The following CEBPZOS variants were observed in gnomAD, a reference collection of about 807,000 sequenced individuals.
CEBPZOS encodes CEBPZ opposite strand, also known as protein CEBPZOS.
A neutral mutation model predicts 4.8 loss-of-function variants in CEBPZOS; 10 were observed. The ratio of observed to expected loss-of-function variants is 2.07; its 90% CI spans 1.28 to 3.52. The LOEUF (loss-of-function observed/expected upper bound fraction) is 3.52. CEBPZOS is among the 30% of genes most tolerant of loss of function. The pLI is 0.00. For missense variants in CEBPZOS, 98 were observed against 43.6 expected, an observed-to-expected ratio of 2.25 and a Z score of -3.51; for synonymous variants, 25 against 14.2, an observed-to-expected ratio of 1.77 and a Z score of -1.72.
At chr2:37,196,574 T>G (rs1676949208) in intron 1 of CEBPZOS, 54 bp downstream of exon 1, 1 of 152,462 alleles carries the variant, frequency 6.6e-6, no homozygotes, top group Non-Finnish European at 1.5e-5. Context: ...GGGTCCCTAG[T>G]GCGACGAGAG....
Position 37,199,692 on chromosome 2 carries a change from T to A in CEBPZOS, c.-1-12T>A, listed in dbSNP as rs1677118345. On this transcript the variant is annotated splice_polypyrimidine_tract_variant and intron_variant, in intron 1 of 4. Transcript: ENST00000402297. Reference sequence around the variant, plus strand: ...TTCATTCAGGTTTACACATATCTGTTGTTAAATTTAGGATGGCCCGTACTT... The same window carrying A: ...TTCATTCAGGTTTACACATATCTGTAGTTAAATTTAGGATGGCCCGTACTT... The A allele has an allele frequency of 4.2e-6, 3 of 715,576 alleles. No homozygotes were observed. The highest frequency in any genetic ancestry group is 7.8e-6 in the Non-Finnish European group (3 of 384,226). 44.3% of individuals were successfully genotyped at this position (715,576 alleles called of 1,614,324 possible).
At chr2:37,206,305 A>G (rs2465489), downstream of CEBPZOS, among the ~76,000 whole-genome samples, 129,123 of 152,318 alleles carry the variant, frequency 0.85, 55,321 homozygotes, top group East Asian at 0.99. Flanking sequence ...CTGAGAATTC[A>G]CCACTACCAA....
downstream of CEBPZOS, among the ~76,000 whole-genome samples, chr2:37,207,835 C>T (rs1271149248): frequency 6.6e-6 from 1 of 151,740 alleles, no homozygotes; most frequent in Non-Finnish European, 1.5e-5. Flanking sequence ...GAAGCAAACA[C>T]TACAAAAGAT....
chr2:37,197,641 G>A (rs1460436362), intron 1 of CEBPZOS, among the ~76,000 whole-genome samples: 2 of 152,232 alleles, frequency 1.3e-5, no homozygotes, highest in African/African-American at 4.8e-5. Flanking sequence ...GGAGGCCGAG[G>A]CGGGAGGATC....
chr2:37,197,618 T>TA (rs1380307197), intron 1 of CEBPZOS, among the ~76,000 whole-genome samples: 4 of 152,336 alleles, frequency 2.6e-5, no homozygotes, highest in African/African-American at 9.6e-5. Flanking sequence ...ACGCCTGTAA[T>TA]ACCAGCACTT....
chr2:37,202,774 A>G lies in CEBPZOS; in HGVS notation c.*914A>G. The G allele has an allele frequency of 1.3e-6, 2 of 1,509,628 alleles. No individual in the cohort carries two copies. Among genetic ancestry groups the G allele is most frequent in the Non-Finnish European group, 1.8e-6 (2 of 1,121,868 alleles). 93.5% of individuals were successfully genotyped at this position (1,509,628 alleles called of 1,614,324 possible). A position where few individuals can be genotyped will look rare whatever the true frequency, so the allele number is the denominator to read the frequency against. On this transcript the variant is annotated 3_prime_UTR_variant, in exon 5 of 5. Coordinates refer to ENST00000402297, the MANE Select transcript of CEBPZOS (RefSeq NM_001322374.2). Reference sequence around the variant, plus strand: ...TTTAAAACATCAATAAAAAAATTTAAGTTACTTACTTGCATTATCTTTGTT... The same window carrying G: ...TTTAAAACATCAATAAAAAAATTTAGGTTACTTACTTGCATTATCTTTGTT...
intron 2 of CEBPZOS, 101 bp downstream of exon 2, chr2:37,199,920 T>A (rs926087680): frequency 1.6e-6 from 1 of 638,966 alleles, no homozygotes; most frequent in Non-Finnish European, 2.9e-6. Context: ...AATTGGTTCT[T>A]CAGATTCAAG....
rs1406867246 is a variant in CEBPZOS, at chr2:37,203,619, T to C, written c.*1759T>C. On this transcript the variant is annotated 3_prime_UTR_variant, in exon 5 of 5. Coordinates refer to ENST00000402297, the MANE Select transcript of CEBPZOS (RefSeq NM_001322374.2). The stretch of plus-strand genomic sequence containing the variant: ...GATCATAACATTCAGCTGTTTTAAG[T>C]GTATTAACGCATTTTGGTAAATTTA... 1 of 152,228 alleles carries C rather than the reference T, an allele frequency of 6.6e-6. No homozygotes were observed. Among genetic ancestry groups the C allele is most frequent in the Non-Finnish European group, 1.5e-5 (1 of 68,048 alleles). The allele number at this position is 152,228 out of a possible 1,614,324, so 9.4% of individuals were successfully genotyped here. A position where few individuals can be genotyped will look rare whatever the true frequency, so the allele number is the denominator to read the frequency against.
At chr2:37,214,857 C>A, downstream of CEBPZOS, 3 of 1,433,796 alleles carry the variant, frequency 2.1e-6, no homozygotes, top group Non-Finnish European at 2.9e-6. Flanking sequence ...TAGCAGTTTC[C>A]CCAAATGAAA....
intron 4 of CEBPZOS, chr2:37,211,145 C>A (rs1572497891): frequency 1.9e-6 from 2 of 1,064,524 alleles, no homozygotes; most frequent in South Asian, 1.4e-5. Flanking sequence ...AAATATTACT[C>A]CAAGATATGC....
At chr2:37,206,605 C>T (rs949056192), downstream of CEBPZOS, among the ~76,000 whole-genome samples, 1 of 152,194 alleles carries the variant, frequency 6.6e-6, no homozygotes, top group Non-Finnish European at 1.5e-5. Context: ...TGATGCCCGC[C>T]TGGGCCTCCC....
intron 4 of CEBPZOS, chr2:37,211,916 T>C (rs758525915): frequency 8.7e-6 from 14 of 1,613,542 alleles, no homozygotes; most frequent in Admixed American, 1.7e-5. Flanking sequence ...CAGCAAATTC[T>C]TCATCATCCA....
Position 37,196,508 on chromosome 2 carries a change from GAACGCACCTCAGGTAAGACTCT to G in CEBPZOS, c.-13_-2+10del, listed in dbSNP as rs1305147866. ...CCGTTGCGCATGCGCAGTCCCCCTTGAACGCACCTCAGGTAAGACTCTGGCGAGTGGCTTCCCATGGGCGGTC... is the reference window on the plus strand; with the variant it reads ...CCGTTGCGCATGCGCAGTCCCCCTTGGGCGAGTGGCTTCCCATGGGCGGTC... On this transcript the variant is annotated splice_donor_variant and splice_donor_5th_base_variant and 5_prime_UTR_variant and intron_variant, in exon 1 of 5. Coordinates refer to ENST00000402297, the MANE Select transcript of CEBPZOS (RefSeq NM_001322374.2). LOFTEE classifies it low-confidence loss of function (5UTR_SPLICE). 3 of 152,260 alleles carry G rather than the reference GAACGCACCTCAGGTAAGACTCT, an allele frequency of 2.0e-5. No homozygotes were observed. Among genetic ancestry groups the G allele is most frequent in the Non-Finnish European group, 4.4e-5 (3 of 68,076 alleles). 9.4% of individuals were successfully genotyped at this position (152,260 alleles called of 1,614,324 possible). A position where few individuals can be genotyped will look rare whatever the true frequency, so the allele number is the denominator to read the frequency against.
At chr2:37,215,725 TC>T (rs1481702920), downstream of CEBPZOS, among the ~76,000 whole-genome samples, 1 of 152,104 alleles carries the variant, frequency 6.6e-6, no homozygotes, top group African/African-American at 2.4e-5. Flanking sequence ...AAAATGATGC[TC>T]TGTGACAAAA....
chr2:37,210,115 TAAA>T (rs1241070587), intron 4 of CEBPZOS: 1 of 151,936 alleles, frequency 6.6e-6, no homozygotes, highest in Non-Finnish European at 1.5e-5. Flanking sequence ...AATTTAAAAA[TAAA>T]AAAAATTTCA....
In CEBPZOS at chr2:37,203,817, TCTGA is replaced by T. The variant is rs1677406432; in HGVS notation, c.*1960_*1963del. The T allele has an allele frequency of 6.6e-6, 1 of 152,218 alleles. No homozygotes were observed. The highest frequency in any genetic ancestry group is 1.5e-5 in the Non-Finnish European group (1 of 68,036). 9.4% of individuals were successfully genotyped at this position (152,218 alleles called of 1,614,324 possible). A position where few individuals can be genotyped will look rare whatever the true frequency, so the allele number is the denominator to read the frequency against. The stretch of plus-strand genomic sequence containing the variant: ...ATCATATGACATGTGGTTTCCTATA[TCTGA>T]CTTTTTTCATTTAGCATAACGTTTT... On this transcript the variant is annotated 3_prime_UTR_variant, in exon 5 of 5. Transcript: ENST00000402297.
rs750009698 is a variant in CEBPZOS at position 37,211,907 on chromosome 2, A to G, written c.*3-1530A>G. The G allele has an allele frequency of 1.1e-5, 18 of 1,613,274 alleles. No individual in the cohort carries two copies. The South Asian group carries it at 1.4e-4, about 13-fold the overall frequency. ...ATGTTCCTCCATCTTCATCAACTTCAGCAAATTCTTCATCATCCATACTTC... is the reference window on the plus strand; with the variant it reads ...ATGTTCCTCCATCTTCATCAACTTCGGCAAATTCTTCATCATCCATACTTC... On this transcript the variant is annotated intron_variant, in intron 4 of 4. Coordinates refer to the CEBPZOS transcript ENST00000397064.
chr2:37,209,193 C>T (rs755367182), downstream of CEBPZOS: 3 of 152,036 alleles, frequency 2.0e-5, no homozygotes, highest in Non-Finnish European at 4.4e-5. Flanking sequence ...TGGGTAGAAT[C>T]GATATTGTGA....
chr2:37,210,700 C>T (rs1428565509), intron 4 of CEBPZOS: 2 of 252,670 alleles, frequency 7.9e-6, no homozygotes, highest in Admixed American at 1.1e-4. Context: ...ACCAAAATCT[C>T]AGAAATCACT....
Sources: allele counts gnomAD v4.1 joint callset (sites outside exome capture counted in the v4.1 genomes callset), GRCh38; gene constraint gnomAD v4.1.1; transcripts MANE v1.5; gene names NCBI Gene and HGNC (gene_info 2026-07-23, HGNC 2026-07-21).